The following FBXW4 variants were observed in gnomAD, a reference collection of about 807,000 sequenced individuals.
FBXW4 encodes the protein F-box/WD repeat-containing protein 4.
A neutral mutation model predicts 61.8 loss-of-function variants in FBXW4; 40 were observed. The ratio of observed to expected loss-of-function variants is 0.65; its 90% CI spans 0.50 to 0.84. The LOEUF (loss-of-function observed/expected upper bound fraction) is 0.84, where lower values mean the gene tolerates loss of function less well. Ranked by LOEUF, FBXW4 falls within the 40% of genes least tolerant of loss-of-function variation. FBXW4 has a pLI of 0.00. For missense variants in FBXW4, 672 were observed against 753.8 expected (o/e 0.89, Z 1.27); for synonymous variants, 311 against 313.8 (o/e 0.99, Z 0.10).
chr10:101,650,972 G>A (rs543868244), intron 5 of FBXW4, among the ~76,000 whole-genome samples: 148 of 152,322 alleles, frequency 9.7e-4, no homozygotes, highest in African/African-American at 3.1e-3. Flanking sequence ...CCACTATGCC[G>A]GCAAATCTCC....
intron 5 of FBXW4, among the ~76,000 whole-genome samples, chr10:101,629,832 T>C (rs1047635275): frequency 6.6e-6 from 1 of 151,860 alleles, no homozygotes; most frequent in Non-Finnish European, 1.5e-5. Context: ...TGCTTATTGA[T>C]TGAATGAATG....
rs386372272 is a variant in FBXW4 at position 101,640,484 on chromosome 10, C to CTTTTTTTTT, written c.1236-15683_1236-15675dup. Among the ~76,000 whole-genome samples, 71 of 83,884 alleles carry CTTTTTTTTT rather than the reference C, an allele frequency of 8.5e-4. 1 individual carries two copies. Among genetic ancestry groups the CTTTTTTTTT allele is most frequent in the East Asian group, 1.6e-3 (4 of 2,434 alleles). 55.0% of individuals were successfully genotyped at this position (83,884 alleles called of 152,430 possible). A position where few individuals can be genotyped will look rare whatever the true frequency, so the allele number is the denominator to read the frequency against. On this transcript the variant is annotated intron_variant, in intron 5 of 8. Coordinates refer to ENST00000331272, the MANE Select transcript of FBXW4 (RefSeq NM_022039.4). ...TCTTTTCTTTTCTTTCTTTCTTTCT[C>CTTTTTTTTT]TTTTTTTTTTTTTTTTTTTTTTTGA...
At chr10:101,636,963 G>A (rs1189675648) in intron 5 of FBXW4, among the ~76,000 whole-genome samples, 2 of 152,150 alleles carry the variant, frequency 1.3e-5, no homozygotes, top group African/African-American at 4.8e-5. Flanking sequence ...TTGTATGTCT[G>A]ATATTTGCTT....
Position 101,694,398 on chromosome 10 carries a change from C to T in FBXW4, c.708G>A (p.Thr236=). 2 of 1,483,074 alleles carry T rather than the reference C, an allele frequency of 1.3e-6. No homozygotes were observed. The highest frequency in any genetic ancestry group is 2.7e-5 in the South Asian group (2 of 75,312). The allele number at this position is 1,483,074 out of a possible 1,614,324, so 91.9% of individuals were successfully genotyped here. The change falls in exon 1 of 9, where the codon ACG becomes ACA. Residue 236 remains threonine, a synonymous_variant. Coordinates refer to ENST00000331272, the MANE Select transcript of FBXW4 (RefSeq NM_022039.4). This position sits in a 1 kb window ranked among gnomAD's most constrained non-coding sequence, Gnocchi z 6.0. The part of the protein sequence containing the change: ...IARASLNSGF[T]RLGTDLMTSV... ...ACGCTTACAGGTCGGTGCCGAGCCGCGTGAAGCCGGAGTTGAGCGAGGCCC... is the reference window on the plus strand; with the variant it reads ...ACGCTTACAGGTCGGTGCCGAGCCGTGTGAAGCCGGAGTTGAGCGAGGCCC...
Position 101,679,980 on chromosome 10 carries a change from A to G in FBXW4, c.726-3544T>C, listed in dbSNP as rs114170668. 9.8e-3 allele frequency among the ~76,000 whole-genome samples: 1,492 copies of G among 152,290 alleles called. 25 individuals carry two copies. The highest frequency in any genetic ancestry group is 0.031 in the African/African-American group (1,273 of 41,552). ...TTAGCTCCCACTTATAAGTGAGAAC[A>G]TGTAGTATTTGGTTTTCACTCCTGC... On this transcript the variant is annotated intron_variant, in intron 1 of 8. Transcript: ENST00000331272.
intron 1 of FBXW4, among the ~76,000 whole-genome samples, chr10:101,693,696 T>G (rs1365030060): frequency 6.6e-6 from 1 of 152,192 alleles, no homozygotes; most frequent in Non-Finnish European, 1.5e-5. Flanking sequence ...TATTTAACAG[T>G]TTAAGTGGTT....
rs772633641 is a variant in FBXW4 at position 101,614,475 on chromosome 10, C to T, written c.1302-1998G>A. On this transcript the variant is annotated intron_variant, in intron 6 of 8. Transcript: ENST00000331272. ...TGCCACCACTGGAAAATGTCATGGC[C>T]GTAAGTATCTGCAGTCAGAAATACA... is the stretch of plus-strand genomic sequence containing the variant. Among the ~76,000 whole-genome samples, 5 of 152,068 alleles carry T rather than the reference C, an allele frequency of 3.3e-5. No individual in the cohort carries two copies. In the South Asian group the frequency reaches 6.2e-4, roughly 19 times the overall value.
Position 101,611,418 on chromosome 10 carries a change from G to C in FBXW4, c.1585-8C>G. 6.2e-7 allele frequency: 1 copy of C among 1,612,182 alleles called. No homozygotes were observed. The highest frequency in any genetic ancestry group is 8.5e-7 in the Non-Finnish European group (1 of 1,179,136). ...CGACGTCAGCGGGAAGGCCTGGAAG[G>C]GAGGGCACAGGAAGTGGTAAGAGCT... On this transcript the variant is annotated splice_polypyrimidine_tract_variant and splice_region_variant and intron_variant, in intron 8 of 8. Transcript: ENST00000331272. The surrounding 1 kb of genome is among the most constrained non-coding windows in gnomAD (Gnocchi z 4.9).
At chr10:101,680,392 G>A (rs753753563) in intron 1 of FBXW4, among the ~76,000 whole-genome samples, 1 of 151,978 alleles carries the variant, frequency 6.6e-6, no homozygotes, top group Non-Finnish European at 1.5e-5. Context: ...GCTACAGGAA[G>A]GGAAAAAAGA....
chr10:101,646,748 G>A (rs2064102310), intron 5 of FBXW4, among the ~76,000 whole-genome samples: 1 of 152,230 alleles, frequency 6.6e-6, no homozygotes, highest in South Asian at 2.1e-4. Flanking sequence ...CACAGGGAGA[G>A]GGAGAAGGAT....
chr10:101,690,358 T>C lies in FBXW4; in HGVS notation c.725+4023A>G, dbSNP rs1408537345. 5.3e-4 allele frequency among the ~76,000 whole-genome samples: 80 copies of C among 152,232 alleles called. 1 individual carries two copies. The highest frequency in any genetic ancestry group is 4.4e-5 in the Non-Finnish European group (3 of 68,038). On this transcript the variant is annotated intron_variant, in intron 1 of 8. Coordinates refer to ENST00000331272, the MANE Select transcript of FBXW4 (RefSeq NM_022039.4). ...TGCTATATGAAACATTTCTTTGATT[T>C]TTATTGTTATATTCAGGATATTTCT... is the stretch of plus-strand genomic sequence containing the variant.
chr10:101,660,001 G>C, intron 5 of FBXW4: 7 of 715,710 alleles, frequency 9.8e-6, no homozygotes, highest in Non-Finnish European at 1.2e-5. Flanking sequence ...GTCTGTCCCC[G>C]GCCCTAACTT....
intron 5 of FBXW4, among the ~76,000 whole-genome samples, chr10:101,651,889 G>A (rs530101749): frequency 6.6e-6 from 1 of 152,114 alleles, no homozygotes; most frequent in Non-Finnish European, 1.5e-5. Flanking sequence ...AGATGAAAGG[G>A]GGCCGCGGCC....
At chr10:101,678,705 G>A (rs1308181929) in intron 1 of FBXW4, among the ~76,000 whole-genome samples, 1 of 152,162 alleles carries the variant, frequency 6.6e-6, no homozygotes, top group Non-Finnish European at 1.5e-5. Context: ...TGGGATTACA[G>A]GCATGAGCCA....
At position 101,611,197 on chromosome 10, in the gene FBXW4, G is replaced by A; in HGVS notation, c.*94C>T. ...GGTCACAGGCCCAGGAGCACAGTGG[G>A]GCAGTGAGGAGGAGCTATCACTGCA... On this transcript the variant is annotated 3_prime_UTR_variant, in exon 9 of 9. Coordinates refer to ENST00000331272, the MANE Select transcript of FBXW4 (RefSeq NM_022039.4). This position sits in a 1 kb window ranked among gnomAD's most constrained non-coding sequence, Gnocchi z 4.9. 1 of 1,482,614 alleles carries A rather than the reference G, an allele frequency of 6.7e-7. No homozygotes were observed. Among genetic ancestry groups the A allele is most frequent in the Non-Finnish European group, 9.2e-7 (1 of 1,091,714 alleles). The allele number at this position is 1,482,614 out of a possible 1,614,324, so 91.8% of individuals were successfully genotyped here.
chr10:101,631,907 G>A (rs953649535), intron 5 of FBXW4, among the ~76,000 whole-genome samples: 8 of 152,298 alleles, frequency 5.3e-5, no homozygotes, highest in East Asian at 3.9e-4. Flanking sequence ...GATTATAGGC[G>A]TGAGCCACCG....
At chr10:101,616,504 A>G (rs2063827341) in intron 6 of FBXW4, among the ~76,000 whole-genome samples, 1 of 152,234 alleles carries the variant, frequency 6.6e-6, no homozygotes, top group Non-Finnish European at 1.5e-5. Flanking sequence ...CACAGAGAAC[A>G]ACGGAAAGTT....
intron 7 of FBXW4, 97 bp downstream of exon 7, chr10:101,612,240 C>G: frequency 7.6e-7 from 1 of 1,310,328 alleles, no homozygotes; most frequent in Non-Finnish European, 9.8e-7. Flanking sequence ...GACATGGAGT[C>G]TCTGTGCCCT....
intron 6 of FBXW4, among the ~76,000 whole-genome samples, chr10:101,618,598 A>G (rs949887772): frequency 6.6e-6 from 1 of 152,020 alleles, no homozygotes; most frequent in African/African-American, 2.4e-5. Flanking sequence ...GGGAAGGGGA[A>G]TCAATGGGAT....
Sources: gnomAD v4.1 joint callset for allele counts (sites outside exome capture counted in the v4.1 genomes callset) on GRCh38, gnomAD v4.1.1 for gene constraint, Gnocchi (gnomAD v3.1) non-coding constraint, MANE v1.5 for transcripts, NCBI Gene and HGNC (gene_info 2026-07-23, HGNC 2026-07-21) for gene names.